TPRG1: variants seen among roughly 807,000 people sequenced by gnomAD.
TPRG1 encodes tumor protein p63-regulated gene 1 protein.
TPRG1 carries 29 observed loss-of-function variants against 29.3 expected under a neutral mutation model. That is an observed-to-expected ratio of 0.99 (90% CI 0.74 to 1.35). The LOEUF (loss-of-function observed/expected upper bound fraction) is 1.35. Among genes scored for constraint, TPRG1 ranks in the 40% most tolerant of loss-of-function variants. TPRG1 has a pLI of 0.00. For missense variants in TPRG1, 327 were observed against 335.0 expected (o/e 0.98, Z 0.19); for synonymous variants, 130 against 116.8 (o/e 1.11, Z -0.73).
intron 4 of TPRG1, among the ~76,000 whole-genome samples, chr3:189,041,041 T>A (rs710514): frequency 1.3e-5 from 2 of 152,194 alleles, no homozygotes; most frequent in African/African-American, 4.8e-5. Context: ...TGAACCAGGG[T>A]GCCTTTGCAC....
chr3:189,225,569 T>G (rs1737600490), intron 3 of TPRG1, among the ~76,000 whole-genome samples: 1 of 152,218 alleles, frequency 6.6e-6, no homozygotes, highest in Non-Finnish European at 1.5e-5. Flanking sequence ...GTCTTAATGT[T>G]GAGGCTATCA....
chr3:189,295,412 C>T (rs1719728063), intron 4 of TPRG1, among the ~76,000 whole-genome samples: 1 of 143,132 alleles, frequency 7.0e-6, no homozygotes, highest in South Asian at 2.2e-4. Context: ...TTTTAAACTA[C>T]ATTATCTCTG....
rs532404817 is a variant in TPRG1, at chr3:189,316,979, C to G, written c.634-3647C>G. Among the ~76,000 whole-genome samples, 15 of 152,266 alleles carry G rather than the reference C, an allele frequency of 9.9e-5. No individual in the cohort carries two copies. The South Asian group carries it at 3.1e-3, about 32-fold the overall frequency. Reference sequence around the variant, plus strand: ...TGTCTCTCTGTAACCATGCCCTCCCCTGGCTTTGAAGGGGCTCCTAGAAAT... The same window carrying G: ...TGTCTCTCTGTAACCATGCCCTCCCGTGGCTTTGAAGGGGCTCCTAGAAAT... On this transcript the variant is annotated intron_variant, in intron 5 of 5. Transcript: ENST00000345063.
chr3:189,280,245 G>A lies in TPRG1; in HGVS notation c.480-30141G>A, dbSNP rs145998402. ...AATATAGAAGTGAATGAATGCACCT[G>A]TGGATATACATAAATGAATGGAATA... On this transcript the variant is annotated intron_variant, in intron 4 of 5. Coordinates refer to ENST00000345063, the MANE Select transcript of TPRG1 (RefSeq NM_198485.4). Among the ~76,000 whole-genome samples, 193 of 150,668 alleles carry A rather than the reference G, an allele frequency of 1.3e-3. 3 individuals carry two copies. Among genetic ancestry groups the A allele is most frequent in the Admixed American group, 5.3e-3 (81 of 15,166 alleles).
In TPRG1 at chr3:189,011,292, C is replaced by T. The variant is rs550049497; in HGVS notation, c.-660+6532C>T. ...ATTTTAAAACAGTTTTTCCTAATTCCGTGAAGAATGTCAATGGTAGTTTAA... is the reference window on the plus strand; with the variant it reads ...ATTTTAAAACAGTTTTTCCTAATTCTGTGAAGAATGTCAATGGTAGTTTAA... On this transcript the variant is annotated intron_variant, in intron 3 of 10. Transcript: ENST00000433971. Among the ~76,000 whole-genome samples the T allele has an allele frequency of 1.3e-3, 199 of 152,036 alleles. 1 individual carries two copies. Among genetic ancestry groups the T allele is most frequent in the Middle Eastern group, 6.8e-3 (2 of 294 alleles).
chr3:189,078,053 TTC>T (rs1560430567), intron 4 of TPRG1, among the ~76,000 whole-genome samples: 35 of 148,430 alleles, frequency 2.4e-4, no homozygotes, highest in African/African-American at 8.7e-4. Context: ...CCTTCCTTCC[TTC>T]CTTCCTTTCT....
chr3:189,043,131 CA>C (rs1256679452), intron 4 of TPRG1, among the ~76,000 whole-genome samples: 1 of 152,070 alleles, frequency 6.6e-6, no homozygotes, highest in Non-Finnish European at 1.5e-5. Context: ...GGGCCCTGTT[CA>C]AAAAATAGAA....
chr3:189,297,316 G>T (rs1720109999), intron 4 of TPRG1, among the ~76,000 whole-genome samples: 1 of 152,088 alleles, frequency 6.6e-6, no homozygotes, highest in South Asian at 2.1e-4. Context: ...TTCCTGTCTT[G>T]CAATCAGGTA....
intron 4 of TPRG1, among the ~76,000 whole-genome samples, chr3:189,094,203 G>A (rs1718526203): frequency 6.6e-6 from 1 of 152,124 alleles, no homozygotes; most frequent in South Asian, 2.1e-4. Context: ...CACATTATAT[G>A]TACTGTAACA....
intron 4 of TPRG1, among the ~76,000 whole-genome samples, chr3:189,308,880 G>A (rs1002580256): frequency 6.6e-6 from 1 of 151,994 alleles, no homozygotes; most frequent in Non-Finnish European, 1.5e-5. Flanking sequence ...TATTCATTGA[G>A]TTTAGAGTTT....
At chr3:189,248,150 A>G (rs1741631843) in intron 4 of TPRG1, among the ~76,000 whole-genome samples, 1 of 151,878 alleles carries the variant, frequency 6.6e-6, no homozygotes, top group Admixed American at 6.6e-5. Context: ...AAGGAAGATA[A>G]ACACTACAAC....
At chr3:189,018,188 C>T (rs1392353555) in intron 3 of TPRG1, among the ~76,000 whole-genome samples, 7 of 148,396 alleles carry the variant, frequency 4.7e-5, no homozygotes, top group African/African-American at 1.7e-4. Flanking sequence ...GTTGCCTGTT[C>T]ACTCTGATGG....
intron 3 of TPRG1, among the ~76,000 whole-genome samples, chr3:189,236,797 C>T (rs772893288): frequency 6.6e-6 from 1 of 152,050 alleles, no homozygotes; most frequent in Non-Finnish European, 1.5e-5. Context: ...CTTCTGTCTC[C>T]CTTTTTCTGT....
intron 1 of TPRG1, among the ~76,000 whole-genome samples, chr3:189,186,697 C>T (rs1013098833): frequency 1.3e-5 from 2 of 151,236 alleles, no homozygotes; most frequent in Non-Finnish European, 2.9e-5. Context: ...CCTAGACCAG[C>T]ATAATTAGAG....
At chr3:189,168,767 G>A (rs1728456718), upstream of TPRG1, among the ~76,000 whole-genome samples, 1 of 152,172 alleles carries the variant, frequency 6.6e-6, no homozygotes, top group South Asian at 2.1e-4. Context: ...TGGGACAAGG[G>A]GTGTATCTGG....
At chr3:189,087,497 G>T (rs1444487572) in intron 4 of TPRG1, among the ~76,000 whole-genome samples, 1 of 152,166 alleles carries the variant, frequency 6.6e-6, no homozygotes, top group Admixed American at 6.5e-5. Context: ...CTGTGCAGAA[G>T]CTCTTTAGTT....
intron 4 of TPRG1, among the ~76,000 whole-genome samples, chr3:189,270,854 T>C (rs1250891323): frequency 1.3e-5 from 2 of 152,052 alleles, no homozygotes; most frequent in East Asian, 3.9e-4. Flanking sequence ...CCGTATGACA[T>C]TGAAACATGT....
chr3:189,073,445 C>T (rs1716924008), intron 4 of TPRG1, among the ~76,000 whole-genome samples: 2 of 151,962 alleles, frequency 1.3e-5, no homozygotes, highest in African/African-American at 4.8e-5. Context: ...TTTTTTCGCC[C>T]CTTTGGATGA....
At chr3:189,073,321 T>A (rs1716915967) in intron 4 of TPRG1, among the ~76,000 whole-genome samples, 2 of 152,246 alleles carry the variant, frequency 1.3e-5, no homozygotes, top group Non-Finnish European at 2.9e-5. Context: ...GTATATTTGC[T>A]CTTTTGTTCG....
Sources: gnomAD v4.1 joint callset for allele counts (sites outside exome capture counted in the v4.1 genomes callset) on GRCh38, gnomAD v4.1.1 for gene constraint, MANE v1.5 for transcripts, NCBI Gene and HGNC (gene_info 2026-07-23, HGNC 2026-07-21) for gene names.